The following SMARCC1 variants were observed in gnomAD, a reference collection of about 807,000 sequenced individuals.
SMARCC1 encodes the protein SWI/SNF complex subunit SMARCC1.
SMARCC1 carries 43 observed loss-of-function variants against 147.4 expected under a neutral mutation model. The observed-to-expected ratio is 0.29, with a 90% CI of 0.23 to 0.38. The LOEUF (loss-of-function observed/expected upper bound fraction) is 0.38. Among genes scored for constraint, SMARCC1 ranks in the 10% least tolerant of loss-of-function variants. The probability of loss-of-function intolerance (pLI) is 1.00; values close to 1 mark genes in which losing one functional copy is unlikely to be tolerated. For synonymous variants in SMARCC1, 495 were observed against 484.4 expected (o/e 1.02, Z -0.29); for missense variants, 1,119 against 1,381.1 (o/e 0.81, Z 3.01).
At chr3:47,729,514 T>C (rs113638717) in intron 5 of SMARCC1, among the ~76,000 whole-genome samples, 117 of 152,232 alleles carry the variant, frequency 7.7e-4, no homozygotes, top group Middle Eastern at 6.8e-3. Context: ...GCCTCCTGAG[T>C]AGCTGGGATT....
At chr3:47,638,194 G>T (rs1001776241) in intron 22 of SMARCC1, among the ~76,000 whole-genome samples, 1 of 152,096 alleles carries the variant, frequency 6.6e-6, no homozygotes. Flanking sequence ...CCGGGTTCAC[G>T]CCATTCTCCT....
chr3:47,603,938 G>A (rs1207422324), intron 26 of SMARCC1: 1 of 439,614 alleles, frequency 2.3e-6, no homozygotes, highest in Non-Finnish European at 4.6e-6. Context: ...TATCAGGTGA[G>A]TTAGGAGTAG....
At chr3:47,758,102 C>A (rs919924913) in intron 2 of SMARCC1, among the ~76,000 whole-genome samples, 5 of 152,014 alleles carry the variant, frequency 3.3e-5, no homozygotes, top group African/African-American at 1.2e-4. Context: ...TACTATACAG[C>A]AACTGTTGGC....
Position 47,701,415 on chromosome 3 carries a change from A to C in SMARCC1, c.1041-13T>G, listed in dbSNP as rs763993243. On this transcript the variant is annotated splice_polypyrimidine_tract_variant and intron_variant, in intron 10 of 27. Transcript: ENST00000254480. Reference sequence around the variant, plus strand: ...AAGGCTAGCTTGGCTAAAACATACAAGTATATGAAATATAAACAAGACTGA... The same window carrying C: ...AAGGCTAGCTTGGCTAAAACATACACGTATATGAAATATAAACAAGACTGA... The C allele has an allele frequency of 6.2e-7, 1 of 1,612,364 alleles. No individual in the cohort carries two copies.
At chr3:47,686,211 C>CAG (rs2106769336) in intron 13 of SMARCC1, 41 bp from the exon 14 acceptor site, 2 of 1,542,158 alleles carry the variant, frequency 1.3e-6, no homozygotes, top group Middle Eastern at 1.7e-4. Context: ...GAAAGAACTA[C>CAG]AGAGAGAGAT....
chr3:47,629,519 T>C (rs375729744), intron 24 of SMARCC1, among the ~76,000 whole-genome samples: 2 of 152,200 alleles, frequency 1.3e-5, no homozygotes, highest in Non-Finnish European at 2.9e-5. Flanking sequence ...GCAGAAATTA[T>C]GCTGTGTCAG....
At chr3:47,588,920 G>T (rs1460085171) in intron 27 of SMARCC1, among the ~76,000 whole-genome samples, 1 of 152,092 alleles carries the variant, frequency 6.6e-6, no homozygotes, top group African/African-American at 2.4e-5. Context: ...CAATTAGTAT[G>T]AGTGTCTGGG....
chr3:47,611,484 G>A (rs1444533605), intron 25 of SMARCC1, among the ~76,000 whole-genome samples: 3 of 152,178 alleles, frequency 2.0e-5, no homozygotes, highest in African/African-American at 7.2e-5. Flanking sequence ...ACTGGATTAT[G>A]TAAAACATCA....
chr3:47,638,459 A>G (rs373539561), intron 22 of SMARCC1, among the ~76,000 whole-genome samples: 6 of 152,312 alleles, frequency 3.9e-5, no homozygotes, highest in African/African-American at 1.2e-4. Flanking sequence ...TTTGTGGGAA[A>G]TTCATATTCC....
intron 21 of SMARCC1, among the ~76,000 whole-genome samples, chr3:47,646,086 G>T (rs1025240717): frequency 1.3e-5 from 2 of 152,232 alleles, no homozygotes; most frequent in South Asian, 4.1e-4. Flanking sequence ...TTGGGAGGCC[G>T]AGGCGTGAGG....
At chr3:47,661,504 T>A in intron 20 of SMARCC1, 49 bp from the exon 21 acceptor site, 1 of 1,538,526 alleles carries the variant, frequency 6.5e-7, no homozygotes, top group East Asian at 2.2e-5. Context: ...GCACAAAAAT[T>A]TGCTTCAGTG....
At chr3:47,628,448 T>G (rs914752958) in intron 24 of SMARCC1, among the ~76,000 whole-genome samples, 3 of 152,192 alleles carry the variant, frequency 2.0e-5, no homozygotes, top group Admixed American at 1.3e-4. Context: ...AGGGCTTTGT[T>G]CTCATAACAT....
At position 47,635,375 on chromosome 3, in the gene SMARCC1, G is replaced by A. The variant is rs372058969; in HGVS notation, c.2492-31C>T. 9.4e-5 allele frequency: 151 copies of A among 1,600,142 alleles called. 1 individual carries two copies. The highest frequency in any genetic ancestry group is 5.1e-4 in the Admixed American group (30 of 59,376). Reference sequence around the variant, plus strand: ...AATATCAGAAAGCTTTGTTACTAGCGTGCCCACTCTCGAAAACCCATCTTT... The same window carrying A: ...AATATCAGAAAGCTTTGTTACTAGCATGCCCACTCTCGAAAACCCATCTTT... On this transcript the variant is annotated intron_variant, in intron 23 of 27. Coordinates refer to ENST00000254480, the MANE Select transcript of SMARCC1 (RefSeq NM_003074.4).
At chr3:47,671,197 A>AAAAAAAAAAAAAAAACAC (rs1157129603) in intron 18 of SMARCC1, among the ~76,000 whole-genome samples, 1 of 62,260 alleles carries the variant, frequency 1.6e-5, no homozygotes, top group South Asian at 4.5e-4. Flanking sequence ...AAAAAAAAAA[A>AAAAAAAAAAAAAAAACAC]ACACACACAA....
intron 6 of SMARCC1, among the ~76,000 whole-genome samples, chr3:47,726,106 A>T (rs1005643523): frequency 2.8e-5 from 4 of 144,584 alleles, no homozygotes; most frequent in Non-Finnish European, 4.5e-5. Flanking sequence ...TATGTGGATT[A>T]TATCTCAATT....
intron 10 of SMARCC1, among the ~76,000 whole-genome samples, chr3:47,705,081 T>G (rs1201094948): frequency 6.6e-6 from 1 of 151,440 alleles, no homozygotes; most frequent in Non-Finnish European, 1.5e-5. Flanking sequence ...CCCAGCACTT[T>G]GGGAGGCCGA....
chr3:47,781,607 T>C lies in SMARCC1; in HGVS notation c.191A>G (p.Lys64Arg), dbSNP rs753360735. 10 of 1,543,586 alleles carry C rather than the reference T, an allele frequency of 6.5e-6. No homozygotes were observed. The highest frequency in any genetic ancestry group is 7.8e-6 in the Non-Finnish European group (9 of 1,149,582). Reference sequence around the variant, plus strand: ...CCCACGGGCGCGCGAACCCACCTTCTTGTAGTGCTTGCCCAGCCAGACCCG... The same window carrying C: ...CCCACGGGCGCGCGAACCCACCTTCCTGTAGTGCTTGCCCAGCCAGACCCG... ...SVRVWLGKHY[K>R]KYVHADAPTN... The change falls in exon 1 of 28, where the codon AAG becomes AGG. Residue 64 changes from lysine (K) to arginine (R), a missense_variant. Lys to Arg is a conservative substitution (Grantham distance 26). Around this residue, in one of 6 missense-constraint regions of SMARCC1, gnomAD observed 542 missense variants for 611.8 expected, o/e 0.89. Transcript: ENST00000254480.
chr3:47,694,064 G>A (rs569100874), intron 11 of SMARCC1, among the ~76,000 whole-genome samples: 5 of 152,114 alleles, frequency 3.3e-5, no homozygotes, highest in African/African-American at 1.2e-4. Flanking sequence ...TTCTTAGCAC[G>A]GACCTTCTTT....
chr3:47,766,569 C>A (rs921230813), intron 2 of SMARCC1, among the ~76,000 whole-genome samples: 2 of 151,776 alleles, frequency 1.3e-5, no homozygotes, highest in Admixed American at 1.3e-4. Flanking sequence ...GTGAGAGAGA[C>A]CCTGTCTCAA....
Sources: allele counts gnomAD v4.1 joint callset (sites outside exome capture counted in the v4.1 genomes callset), GRCh38; gene constraint gnomAD v4.1.1; regional missense constraint gnomAD v4.1.1; transcripts MANE v1.5; gene names NCBI Gene and HGNC (gene_info 2026-07-23, HGNC 2026-07-21).